The following PARD3 variants were observed in gnomAD, a reference collection of about 807,000 sequenced individuals.
The protein encoded by PARD3 is partitioning defective 3 homolog.
A neutral mutation model predicts 155.4 loss-of-function variants in PARD3; 75 were observed. That is an observed-to-expected ratio of 0.48 (90% CI 0.40 to 0.58). The LOEUF (loss-of-function observed/expected upper bound fraction) is 0.58, where lower values mean the gene tolerates loss of function less well. Ranked by LOEUF, PARD3 falls within the 20% of genes least tolerant of loss-of-function variation. The pLI is 0.00. For synonymous variants in PARD3, 576 were observed against 610.5 expected, an observed-to-expected ratio of 0.94 and a Z score of 0.83; for missense variants, 1,642 against 1,721.7, an observed-to-expected ratio of 0.95 and a Z score of 0.82.
intron 1 of PARD3, among the ~76,000 whole-genome samples, chr10:34,747,543 A>C (rs1835467324): frequency 6.6e-6 from 1 of 152,234 alleles, no homozygotes; most frequent in African/African-American, 2.4e-5. Flanking sequence ...ATCTCAACTA[A>C]AAATGAAAAG....
chr10:34,362,288 G>C (rs1042837014), intron 12 of PARD3, among the ~76,000 whole-genome samples: 24 of 152,032 alleles, frequency 1.6e-4, no homozygotes, highest in Non-Finnish European at 2.8e-4. Flanking sequence ...GACAGAGCAA[G>C]ACTCTGTCCC....
At chr10:34,670,226 C>G (rs1227501088) in intron 2 of PARD3, among the ~76,000 whole-genome samples, 4 of 152,274 alleles carry the variant, frequency 2.6e-5, no homozygotes, top group African/African-American at 9.6e-5. Context: ...GCTGCAGGTG[C>G]TTCCTCAGAA....
At chr10:34,559,686 C>T (rs1482246472) in intron 2 of PARD3, among the ~76,000 whole-genome samples, 3 of 152,124 alleles carry the variant, frequency 2.0e-5, no homozygotes, top group Non-Finnish European at 2.9e-5. Context: ...AATCATTATT[C>T]CAGAGTTTAA....
At chr10:34,140,858 A>G (rs1948152442) in intron 22 of PARD3, among the ~76,000 whole-genome samples, 3 of 152,180 alleles carry the variant, frequency 2.0e-5, no homozygotes, top group African/African-American at 7.2e-5. Flanking sequence ...ATGCAAAGTT[A>G]GTTTCTAACA....
At chr10:34,338,994 T>C (rs1310901537) in intron 16 of PARD3, among the ~76,000 whole-genome samples, 2 of 152,100 alleles carry the variant, frequency 1.3e-5, no homozygotes, top group African/African-American at 2.4e-5. Context: ...CCCCTTCACA[T>C]ACTACTATGC....
intron 1 of PARD3, among the ~76,000 whole-genome samples, chr10:34,731,564 A>G (rs561476552): frequency 6.6e-6 from 1 of 152,228 alleles, no homozygotes; most frequent in Non-Finnish European, 1.5e-5. Flanking sequence ...GTAAAATAAA[A>G]GTACTTATTT....
At chr10:34,745,177 C>A (rs1357329323) in intron 1 of PARD3, among the ~76,000 whole-genome samples, 1 of 152,100 alleles carries the variant, frequency 6.6e-6, no homozygotes, top group African/African-American at 2.4e-5. Context: ...GCTTGGGCAA[C>A]AAAGCAAGAT....
chr10:34,363,382 T>C (rs1839646137), intron 12 of PARD3, among the ~76,000 whole-genome samples: 1 of 152,214 alleles, frequency 6.6e-6, no homozygotes, highest in South Asian at 2.1e-4. Context: ...TCTTACCAAG[T>C]CTTAAGTCAT....
chr10:34,427,939 G>C (rs144196635), intron 5 of PARD3, among the ~76,000 whole-genome samples: 1 of 152,266 alleles, frequency 6.6e-6, no homozygotes, highest in East Asian at 1.9e-4. Context: ...TCACCATGTA[G>C]AGGAATGGGG....
chr10:34,681,740 A>ATG (rs2093829381), intron 2 of PARD3, among the ~76,000 whole-genome samples: 1 of 12,728 alleles, frequency 7.9e-5, no homozygotes, highest in Non-Finnish European at 1.4e-4. Flanking sequence ...TTATATATAT[A>ATG]TATATATATA....
chr10:34,273,263 A>G (rs1031583257), intron 21 of PARD3, among the ~76,000 whole-genome samples: 2 of 152,180 alleles, frequency 1.3e-5, no homozygotes, highest in Non-Finnish European at 2.9e-5. Flanking sequence ...AACAAAAAAA[A>G]CAAAAAAACT....
intron 1 of PARD3, among the ~76,000 whole-genome samples, chr10:34,796,503 C>T (rs926357379): frequency 2.6e-5 from 4 of 152,202 alleles, no homozygotes; most frequent in African/African-American, 9.7e-5. Context: ...TTTGAAACTG[C>T]TGAATATTAT....
In PARD3 at chr10:34,622,140, T is replaced by C. The variant is rs143139951; in HGVS notation, c.222+74178A>G. ...TTCCTTGTTAAAGAATAGAATTCCT[T>C]AAACAGGGCAATATTACACATCTAT... On this transcript the variant is annotated intron_variant, in intron 2 of 24. Transcript: ENST00000374788. 3.9e-3 allele frequency among the ~76,000 whole-genome samples: 594 copies of C among 152,274 alleles called. 3 individuals carry two copies. The highest frequency in any genetic ancestry group is 0.014 in the African/African-American group (565 of 41,556).
rs183340906 is a variant in PARD3, at chr10:34,706,310, A to G, written c.121-9891T>C. Among the ~76,000 whole-genome samples the G allele has an allele frequency of 2.0e-5, 3 of 152,342 alleles. No homozygotes were observed. The East Asian group carries it at 5.8e-4, about 29-fold the overall frequency. ...ATGCTGGCAGCCAGGACTCCAGCCC[A>G]GGTCTGCTGATTTATTCCCAAGTCC... On this transcript the variant is annotated intron_variant, in intron 1 of 24. Coordinates refer to ENST00000374788, the MANE Select transcript of PARD3 (RefSeq NM_001184785.2).
At chr10:34,657,562 G>A (rs1347232720) in intron 2 of PARD3, among the ~76,000 whole-genome samples, 4 of 145,834 alleles carry the variant, frequency 2.7e-5, no homozygotes, top group African/African-American at 7.9e-5. Flanking sequence ...GTTTTGAGAC[G>A]GAGTCTTGTT....
chr10:34,269,690 T>C lies in PARD3; in HGVS notation c.3386A>G (p.Lys1129Arg). Residue 1129 changes from lysine (K) to arginine (R), a missense_variant, in exon 22 of 25, where the codon AAG (lysine) becomes AGG (arginine). Lys to Arg is a conservative substitution (Grantham distance 26). This residue lies in a region of PARD3 where 1,529 missense variants were observed against 1,587.3 expected (regional missense o/e 0.96). Coordinates refer to ENST00000374788, the MANE Select transcript of PARD3 (RefSeq NM_001184785.2). ...MMDALYAQVKKPRNSKPSPVD... is the reference protein window; with the variant it reads ...MMDALYAQVKRPRNSKPSPVD... ...AGGTGAGGGTTTGGAATTCCGCGGC[T>C]TCTTGACTTGGGCATACAAAGCATC... 6.2e-7 allele frequency: 1 copy of C among 1,614,064 alleles called. No homozygotes were observed. Among genetic ancestry groups the C allele is most frequent in the Non-Finnish European group, 8.5e-7 (1 of 1,179,964 alleles).
chr10:34,487,860 T>C (rs1210359083), intron 3 of PARD3, among the ~76,000 whole-genome samples: 1 of 152,238 alleles, frequency 6.6e-6, no homozygotes, highest in Admixed American at 6.5e-5. Flanking sequence ...AACAAGTAAT[T>C]TGTCTTTCAA....
rs76190805 is a variant in PARD3, at chr10:34,420,909, C to T, written c.715-18992G>A. Among the ~76,000 whole-genome samples the T allele has an allele frequency of 1.3e-3, 203 of 152,302 alleles. 1 individual carries two copies. Among genetic ancestry groups the T allele is most frequent in the African/African-American group, 4.5e-3 (188 of 41,572 alleles). ...CTGCAAAACAGGCCAGGAGTAGTGA[C>T]TCATGTCTGTAATCCCAACACTTTG... On this transcript the variant is annotated intron_variant, in intron 5 of 24. Transcript: ENST00000374788.
At chr10:34,653,590 A>G (rs2093079057) in intron 2 of PARD3, among the ~76,000 whole-genome samples, 1 of 152,144 alleles carries the variant, frequency 6.6e-6, no homozygotes, top group Non-Finnish European at 1.5e-5. Flanking sequence ...GTAAAGAGGA[A>G]AAGACTCAGA....
Sources: allele counts gnomAD v4.1 joint callset (sites outside exome capture counted in the v4.1 genomes callset), GRCh38; gene constraint gnomAD v4.1.1; regional missense constraint gnomAD v4.1.1; transcripts MANE v1.5; gene names NCBI Gene and HGNC (gene_info 2026-07-23, HGNC 2026-07-21).